The following UVSSA variants were observed in gnomAD, a reference collection of about 807,000 sequenced individuals.
UVSSA encodes the protein UV stimulated scaffold protein A, also known as UV-stimulated scaffold protein A.
A neutral mutation model predicts 73.9 loss-of-function variants in UVSSA; 72 were observed. The ratio of observed to expected loss-of-function variants is 0.97; its 90% CI spans 0.81 to 1.19. The LOEUF is 1.19. Ranked by LOEUF, UVSSA falls within the 50% of genes most tolerant of loss-of-function variation. UVSSA has a pLI of 0.00. For missense variants in UVSSA, 1,150 were observed against 965.0 expected, an observed-to-expected ratio of 1.19 and a Z score of -2.54; for synonymous variants, 454 against 391.3, an observed-to-expected ratio of 1.16 and a Z score of -1.89.
At position 1,366,450 on chromosome 4, in the gene UVSSA, G is replaced by A. The variant is rs766609003; in HGVS notation, c.1288+19G>A. ...GAGTATGGTGAGCAGTGGGTCCCGT[G>A]GGGGGGGCACCTGGGTGGAGGGTCC... On this transcript the variant is annotated intron_variant, in intron 8 of 13. Transcript: ENST00000389851. 8 of 1,486,776 alleles carry A rather than the reference G, an allele frequency of 5.4e-6. No individual in the cohort carries two copies. The highest frequency in any genetic ancestry group is 4.2e-5 in the South Asian group (3 of 70,956). The allele number at this position is 1,486,776 out of a possible 1,614,324, so 92.1% of individuals were successfully genotyped here. A position where few individuals can be genotyped will look rare whatever the true frequency, so the allele number is the denominator to read the frequency against.
Position 1,380,877 on chromosome 4 carries a change from CAGTGCCCTTTCCATGGGA to C in UVSSA, c.1753_1770del (p.Cys585_Lys590del), listed in dbSNP as rs1719406835. On this transcript the variant is annotated splice_acceptor_variant and coding_sequence_variant, in exon 12 of 14. Coordinates refer to ENST00000389851, the MANE Select transcript of UVSSA (RefSeq NM_020894.4). LOFTEE classifies it high-confidence loss of function. ...CATCAGCCACCGTGTCCTCGCTGTG[CAGTGCCCTTTCCATGGGA>C]AGATTGTTCCACGGGACGACGAAGG... is the stretch of plus-strand genomic sequence containing the variant. The C allele has an allele frequency of 6.2e-7, 1 of 1,612,468 alleles. No homozygotes were observed.
At chr4:1,355,691 T>C (rs1358295196) in intron 7 of UVSSA, among the ~76,000 whole-genome samples, 1 of 152,114 alleles carries the variant, frequency 6.6e-6, no homozygotes, top group Non-Finnish European at 1.5e-5. Flanking sequence ...AGACTTGGGT[T>C]ACTGTCTGCT....
At chr4:1,351,655 C>G in intron 3 of UVSSA, 60 bp from the exon 4 acceptor site, 1 of 1,574,452 alleles carries the variant, frequency 6.4e-7, no homozygotes, top group South Asian at 1.1e-5. Flanking sequence ...TCCCAAAGTG[C>G]TGGGATTACA....
chr4:1,346,816 C>A (rs1713752575), upstream of UVSSA, among the ~76,000 whole-genome samples: 1 of 152,288 alleles, frequency 6.6e-6, no homozygotes, highest in East Asian at 1.9e-4. Flanking sequence ...GCCGGCCCCG[C>A]CCCCGGCGCC....
rs1271371929 is a variant in UVSSA, at chr4:1,380,278, G to A, written c.1752+48G>A. 3.2e-6 allele frequency: 5 copies of A among 1,574,394 alleles called. No homozygotes were observed. In the East Asian group the frequency reaches 6.8e-5, roughly 21 times the overall value. On this transcript the variant is annotated intron_variant, in intron 11 of 13. Coordinates refer to ENST00000389851, the MANE Select transcript of UVSSA (RefSeq NM_020894.4). ...GGGGTGGGTGTGGGCTGGACCAGGT[G>A]GGGCAGCCAGAGGGGTGCTGAGCCC...
At chr4:1,395,767 C>T (rs1167357104) in exon 14 of UVSSA, 1 of 1,614,226 alleles carries the variant, frequency 6.2e-7, no homozygotes, top group East Asian at 2.2e-5. Flanking sequence ...GACGCTGTTA[C>T]CGTACATTCT....
At chr4:1,379,628 C>T (rs936251203) in intron 10 of UVSSA, among the ~76,000 whole-genome samples, 6 of 152,198 alleles carry the variant, frequency 3.9e-5, no homozygotes, top group Admixed American at 1.3e-4. Flanking sequence ...AGTGGAAGGA[C>T]GACCTTCATG....
At chr4:1,388,093 T>G (rs567130739), downstream of UVSSA, 5 of 152,336 alleles carry the variant, frequency 3.3e-5, no homozygotes, top group East Asian at 9.6e-4. Flanking sequence ...TTTAAATTTA[T>G]TTCAACAGTA....
At chr4:1,342,887 G>A (rs901040841), upstream of UVSSA, among the ~76,000 whole-genome samples, 3 of 151,842 alleles carry the variant, frequency 2.0e-5, no homozygotes, top group Non-Finnish European at 4.4e-5. Flanking sequence ...AACTATTGCC[G>A]TTTTAAGGCA....
chr4:1,363,383 C>T (rs1330465570), intron 7 of UVSSA, among the ~76,000 whole-genome samples: 4 of 152,090 alleles, frequency 2.6e-5, no homozygotes, highest in Non-Finnish European at 5.9e-5. Flanking sequence ...TAATAGTTAC[C>T]TGAGCAGTTG....
In UVSSA at chr4:1,386,284, A is replaced by T; in HGVS notation, c.*323A>T. The T allele has an allele frequency of 3.5e-6, 1 of 284,536 alleles. No individual in the cohort carries two copies. The highest frequency in any genetic ancestry group is 4.4e-5 in the South Asian group (1 of 22,778). 17.6% of individuals were successfully genotyped at this position (284,536 alleles called of 1,614,324 possible). On this transcript the variant is annotated 3_prime_UTR_variant, in exon 14 of 14. Coordinates refer to ENST00000389851, the MANE Select transcript of UVSSA (RefSeq NM_020894.4). ...TGGTGTGGGGTTCAGCACGGACGGA[A>T]TGTGTGTGCAGCTCAGCCTTCAGAG...
chr4:1,370,043 C>T (rs1246832834), intron 8 of UVSSA, among the ~76,000 whole-genome samples: 5 of 152,202 alleles, frequency 3.3e-5, no homozygotes, highest in African/African-American at 9.7e-5. Flanking sequence ...ATTTTCCACG[C>T]GATGCGCAAG....
At chr4:1,343,214 G>A (rs1713493999), upstream of UVSSA, among the ~76,000 whole-genome samples, 1 of 152,118 alleles carries the variant, frequency 6.6e-6, no homozygotes, top group African/African-American at 2.4e-5. Flanking sequence ...CTCTCTTCCC[G>A]GCTTGCAGAC....
At chr4:1,346,976 C>CT (rs1713775066), upstream of UVSSA, among the ~76,000 whole-genome samples, 1 of 152,236 alleles carries the variant, frequency 6.6e-6, no homozygotes, top group Non-Finnish European at 1.5e-5. Context: ...TGCGCCTGCG[C>CT]CTCCTGGGCT....
At chr4:1,344,412 G>C (rs368571066), upstream of UVSSA, among the ~76,000 whole-genome samples, 1 of 152,046 alleles carries the variant, frequency 6.6e-6, no homozygotes, top group African/African-American at 2.4e-5. Context: ...TTAGCTGGGC[G>C]TGGTGGTGGG....
intron 8 of UVSSA, among the ~76,000 whole-genome samples, chr4:1,372,766 G>A (rs991632532): frequency 1.6e-3 from 106 of 64,860 alleles, no homozygotes; most frequent in East Asian, 0.015. Context: ...CACCTCCCGC[G>A]TCTCAGGGCA....
At chr4:1,369,013 G>GC (rs1717690978) in intron 8 of UVSSA, among the ~76,000 whole-genome samples, 1 of 152,250 alleles carries the variant, frequency 6.6e-6, no homozygotes, top group Non-Finnish European at 1.5e-5. Context: ...AGGGGAGGGT[G>GC]CCTTAGAAGC....
chr4:1,351,284 T>C (rs1714692264), intron 3 of UVSSA, among the ~76,000 whole-genome samples: 1 of 151,966 alleles, frequency 6.6e-6, no homozygotes, highest in Non-Finnish European at 1.5e-5. Context: ...CAGGATGGTC[T>C]CAATCTCCTG....
At chr4:1,366,222 C>T (rs1717303850) in intron 7 of UVSSA, 98 bp from the exon 8 acceptor site, 3 of 947,600 alleles carry the variant, frequency 3.2e-6, no homozygotes, top group South Asian at 1.6e-5. Context: ...GGGGAAAAAG[C>T]TCCACAAGAA....
Sources: allele counts gnomAD v4.1 joint callset (sites outside exome capture counted in the v4.1 genomes callset), GRCh38; gene constraint gnomAD v4.1.1; transcripts MANE v1.5; gene names NCBI Gene and HGNC (gene_info 2026-07-23, HGNC 2026-07-21).